ASIC2: variants seen among roughly 807,000 people sequenced by gnomAD.
ASIC2 encodes acid-sensing ion channel 2.
ASIC2 carries 25 observed loss-of-function variants against 57.3 expected under a neutral mutation model. The ratio of observed to expected loss-of-function variants is 0.44; its 90% CI spans 0.32 to 0.61. The LOEUF is 0.61. ASIC2 is among the 20% of genes least tolerant of loss of function. The pLI is 0.06. For missense variants in ASIC2, 641 were observed against 738.1 expected, an observed-to-expected ratio of 0.87 and a Z score of 1.52; for synonymous variants, 319 against 307.5, an observed-to-expected ratio of 1.04 and a Z score of -0.39.
intron 1 of ASIC2, among the ~76,000 whole-genome samples, chr17:34,108,259 G>A (rs889712076): frequency 6.6e-6 from 1 of 151,958 alleles, no homozygotes; most frequent in Non-Finnish European, 1.5e-5. Context: ...CTCAAATATT[G>A]CCACAATAAA....
intron 1 of ASIC2, among the ~76,000 whole-genome samples, chr17:33,711,120 G>T (rs1382159621): frequency 6.6e-6 from 1 of 152,090 alleles, no homozygotes; most frequent in Non-Finnish European, 1.5e-5. Context: ...TACAGTGCTG[G>T]TTTGAACCCT....
chr17:33,731,102 A>G (rs892583307), intron 1 of ASIC2, among the ~76,000 whole-genome samples: 1 of 152,216 alleles, frequency 6.6e-6, no homozygotes, highest in Admixed American at 6.5e-5. Context: ...GGGTATGAAT[A>G]AATGAACTCA....
rs76685053 is a variant in ASIC2, at chr17:33,562,672, T to C, written c.556-450605A>G. 3.4e-4 allele frequency among the ~76,000 whole-genome samples: 52 copies of C among 152,276 alleles called. No individual in the cohort carries two copies. The East Asian group carries it at 9.5e-3, about 28-fold the overall frequency. On this transcript the variant is annotated intron_variant, in intron 1 of 9. Coordinates refer to the ASIC2 transcript ENST00000359872. ...GGAGCGTCTCAGACCAGAGCTGGCA[T>C]GTGATAGGCTTGGGGGCTTCCTACA...
intron 1 of ASIC2, among the ~76,000 whole-genome samples, chr17:34,145,663 A>C (rs758050508): frequency 6.6e-6 from 1 of 152,138 alleles, no homozygotes; most frequent in Non-Finnish European, 1.5e-5. Context: ...CCTCTTCTCT[A>C]TGATTGCCTT....
chr17:33,707,887 C>A (rs1908910390), intron 1 of ASIC2, among the ~76,000 whole-genome samples: 1 of 152,212 alleles, frequency 6.6e-6, no homozygotes. Flanking sequence ...CTGTAAGACT[C>A]TTCTCTCTGT....
At chr17:33,483,233 G>T (rs1313266756) in intron 1 of ASIC2, among the ~76,000 whole-genome samples, 2 of 152,238 alleles carry the variant, frequency 1.3e-5, no homozygotes, top group African/African-American at 4.8e-5. Flanking sequence ...GTGAATTGCA[G>T]TGTGGGCTCC....
intron 1 of ASIC2, among the ~76,000 whole-genome samples, chr17:33,379,161 T>A (rs932648006): frequency 6.6e-6 from 1 of 152,114 alleles, no homozygotes; most frequent in Admixed American, 6.5e-5. Context: ...GTAGTGATGG[T>A]GATGGTTTTA....
At chr17:33,579,191 C>G (rs893774984) in intron 1 of ASIC2, among the ~76,000 whole-genome samples, 8 of 150,242 alleles carry the variant, frequency 5.3e-5, no homozygotes, top group Admixed American at 4.0e-4. Flanking sequence ...GAGGCTGAGG[C>G]AGGAGAATCG....
intron 1 of ASIC2, among the ~76,000 whole-genome samples, chr17:33,469,076 T>A (rs1247485707): frequency 6.6e-6 from 1 of 152,254 alleles, no homozygotes; most frequent in African/African-American, 2.4e-5. Context: ...TATGCAAAGT[T>A]GGCAGGATGC....
At chr17:33,926,592 T>C (rs115910070) in intron 1 of ASIC2, among the ~76,000 whole-genome samples, 267 of 152,298 alleles carry the variant, frequency 1.8e-3, no homozygotes, top group African/African-American at 6.1e-3. Context: ...TGTGGTTGCT[T>C]TGTGCCACCA....
At chr17:33,661,931 C>G (rs1184513758) in intron 1 of ASIC2, among the ~76,000 whole-genome samples, 1 of 152,156 alleles carries the variant, frequency 6.6e-6, no homozygotes, top group Non-Finnish European at 1.5e-5. Flanking sequence ...CCTGGTTAGA[C>G]TTTACTTCGC....
intron 1 of ASIC2, among the ~76,000 whole-genome samples, chr17:33,841,369 AT>A (rs200676416): frequency 2.0e-4 from 30 of 150,950 alleles, no homozygotes; most frequent in South Asian, 1.0e-3. Flanking sequence ...GCACTGTTTA[AT>A]TTTTTTTTTC....
chr17:33,029,883 G>T (rs1264319490), intron 3 of ASIC2, among the ~76,000 whole-genome samples: 1 of 152,170 alleles, frequency 6.6e-6, no homozygotes, highest in Non-Finnish European at 1.5e-5. Context: ...GGATGATTTT[G>T]AGCACAATTT....
At chr17:33,651,107 C>G (rs965101683) in intron 1 of ASIC2, among the ~76,000 whole-genome samples, 8 of 152,102 alleles carry the variant, frequency 5.3e-5, no homozygotes, top group Admixed American at 3.3e-4. Flanking sequence ...AAAAACTACA[C>G]ATGTGACAAA....
At chr17:33,648,796 G>T (rs1906829781) in intron 1 of ASIC2, among the ~76,000 whole-genome samples, 2 of 152,076 alleles carry the variant, frequency 1.3e-5, no homozygotes, top group Admixed American at 1.3e-4. Context: ...TACAATTTTA[G>T]GAAAAGTCAT....
chr17:33,333,621 G>A (rs1402028779), intron 1 of ASIC2, among the ~76,000 whole-genome samples: 1 of 152,046 alleles, frequency 6.6e-6, no homozygotes, highest in Non-Finnish European at 1.5e-5. Context: ...ACTTCTCTGT[G>A]TTTTTTGAAA....
chr17:33,809,316 G>A (rs1224091950), intron 1 of ASIC2, among the ~76,000 whole-genome samples: 3 of 152,208 alleles, frequency 2.0e-5, no homozygotes, highest in Non-Finnish European at 4.4e-5. Flanking sequence ...GTTTAGAGCT[G>A]GGTTAACTGA....
Position 33,547,583 on chromosome 17 carries a change from C to T in ASIC2, c.556-435516G>A, listed in dbSNP as rs373054073. On this transcript the variant is annotated intron_variant, in intron 1 of 9. Coordinates refer to the ASIC2 transcript ENST00000359872. ...CTCCTACAAGCCCTCCTGCTCTCTG[C>T]CATTGGACCTATGGATAGTCGCCCC... 1.8e-4 allele frequency among the ~76,000 whole-genome samples: 27 copies of T among 152,284 alleles called. No homozygotes were observed. In the South Asian group the frequency reaches 2.3e-3, roughly 13 times the overall value.
chr17:33,930,602 C>A (rs1267985968), intron 1 of ASIC2, among the ~76,000 whole-genome samples: 2 of 152,226 alleles, frequency 1.3e-5, no homozygotes, highest in East Asian at 3.9e-4. Context: ...ACAAAAGTAT[C>A]ATTTCCCTGT....
Sources: gnomAD v4.1 joint callset for allele counts (sites outside exome capture counted in the v4.1 genomes callset) on GRCh38, gnomAD v4.1.1 for gene constraint, MANE v1.5 for transcripts, NCBI Gene and HGNC (gene_info 2026-07-23, HGNC 2026-07-21) for gene names.